The following CSNK2A2IP variants were observed in gnomAD, a reference collection of about 807,000 sequenced individuals.
The protein encoded by CSNK2A2IP is casein kinase 2 subunit alpha' interacting protein.
chr3:88,355,532 A>G, the CSNK2A2IP span, among the ~76,000 whole-genome samples: 1 of 152,152 alleles, frequency 6.6e-6, no homozygotes, highest in Non-Finnish European at 1.5e-5. Context: ...TAGAACCTGT[A>G]CAGACTTCTG....
chr3:88,362,946 G>A, the CSNK2A2IP span, among the ~76,000 whole-genome samples: 1 of 152,170 alleles, frequency 6.6e-6, no homozygotes, highest in Non-Finnish European at 1.5e-5. Context: ...GGCCACTGCA[G>A]CTAACGTTTT....
chr3:88,429,915 G>A, the CSNK2A2IP span, among the ~76,000 whole-genome samples: 1 of 101,508 alleles, frequency 9.9e-6, no homozygotes, highest in Non-Finnish European at 2.3e-5. Flanking sequence ...ACCACGCCAG[G>A]CTAATTTTTT....
the CSNK2A2IP span, among the ~76,000 whole-genome samples, chr3:88,429,853 C>G: frequency 6.6e-6 from 1 of 151,940 alleles, no homozygotes; most frequent in Non-Finnish European, 1.5e-5. Context: ...CCCGGGTTCA[C>G]GCCATTCTCC....
chr3:88,352,212 C>G, the CSNK2A2IP span, among the ~76,000 whole-genome samples: 1 of 152,064 alleles, frequency 6.6e-6, no homozygotes, highest in African/African-American at 2.4e-5. Context: ...AACTCTCTCT[C>G]TCATCTATCT....
the CSNK2A2IP span, among the ~76,000 whole-genome samples, chr3:88,455,223 G>T: frequency 6.6e-6 from 1 of 151,718 alleles, no homozygotes; most frequent in Admixed American, 6.6e-5. Flanking sequence ...ATTTATTTTG[G>T]TATATACCTA....
At chr3:88,461,499 G>A in the CSNK2A2IP span, among the ~76,000 whole-genome samples, 1 of 152,170 alleles carries the variant, frequency 6.6e-6, no homozygotes, top group Non-Finnish European at 1.5e-5. Context: ...CTTGCAGTGA[G>A]CCGAGATCAA....
the CSNK2A2IP span, among the ~76,000 whole-genome samples, chr3:88,348,073 A>T: frequency 6.6e-6 from 1 of 152,018 alleles, no homozygotes; most frequent in Non-Finnish European, 1.5e-5. Context: ...ATATGGGGAC[A>T]GTACTTTAAT....
At chr3:88,393,273 T>C in the CSNK2A2IP span, among the ~76,000 whole-genome samples, 1 of 152,250 alleles carries the variant, frequency 6.6e-6, no homozygotes, top group Non-Finnish European at 1.5e-5. Flanking sequence ...TGAAGACTGT[T>C]ACATTTTTTG....
the CSNK2A2IP span, among the ~76,000 whole-genome samples, chr3:88,446,389 G>A: frequency 3.3e-5 from 5 of 151,972 alleles, no homozygotes; most frequent in Non-Finnish European, 5.9e-5. Context: ...TGCCTGACCT[G>A]ATCTCAGTTT....
the CSNK2A2IP span, among the ~76,000 whole-genome samples, chr3:88,370,610 CTCTT>C: frequency 0.41 from 60,217 of 147,198 alleles, 14,237 homozygotes; most frequent in South Asian, 0.6. Flanking sequence ...CTCTCTCTCT[CTCTT>C]TCTTTCTTTC....
the CSNK2A2IP span, among the ~76,000 whole-genome samples, chr3:88,395,911 A>G: frequency 2.0e-5 from 3 of 152,136 alleles, no homozygotes; most frequent in East Asian, 5.8e-4. Flanking sequence ...ACAATTAATT[A>G]CTTTAATTGG....
At chr3:88,359,378 G>T in the CSNK2A2IP span, among the ~76,000 whole-genome samples, 1 of 151,492 alleles carries the variant, frequency 6.6e-6, no homozygotes, top group Admixed American at 6.6e-5. Context: ...TTTCTGCTCT[G>T]ATCTTTTATT....
chr3:88,454,625 T>TA, the CSNK2A2IP span, among the ~76,000 whole-genome samples: 1 of 151,962 alleles, frequency 6.6e-6, no homozygotes, highest in Non-Finnish European at 1.5e-5. Context: ...ATTTCTTTTT[T>TA]ATACATGTGT....
chr3:88,440,603 A>G, the CSNK2A2IP span, among the ~76,000 whole-genome samples: 4 of 152,200 alleles, frequency 2.6e-5, no homozygotes, highest in Admixed American at 2.0e-4. Context: ...TGGATAATCA[A>G]CTTTAAGAGT....
At chr3:88,364,114 C>T in the CSNK2A2IP span, among the ~76,000 whole-genome samples, 1 of 152,160 alleles carries the variant, frequency 6.6e-6, no homozygotes, top group Admixed American at 6.6e-5. Flanking sequence ...CTGGGATCCT[C>T]CTGAATTCTC....
chr3:88,419,490 T>C, the CSNK2A2IP span, among the ~76,000 whole-genome samples: 1 of 152,194 alleles, frequency 6.6e-6, no homozygotes, highest in Non-Finnish European at 1.5e-5. Flanking sequence ...CCATATTTTC[T>C]TTATCCAGTT....
At chr3:88,440,036 T>C in the CSNK2A2IP span, among the ~76,000 whole-genome samples, 1 of 152,196 alleles carries the variant, frequency 6.6e-6, no homozygotes, top group African/African-American at 2.4e-5. Context: ...TGCTTCATTA[T>C]TTGGGGACTC....
the CSNK2A2IP span, among the ~76,000 whole-genome samples, chr3:88,450,488 C>A: frequency 1.3e-3 from 191 of 142,552 alleles, 3 homozygotes; most frequent in East Asian, 0.037. Context: ...TCCATCTCTG[C>A]GTAGTTGACC....
the CSNK2A2IP span, among the ~76,000 whole-genome samples, chr3:88,432,741 T>TA: frequency 6.6e-6 from 1 of 150,636 alleles, no homozygotes; most frequent in Admixed American, 6.6e-5. Context: ...AGCAATAATT[T>TA]AAAAATGATA....
Sources: gnomAD v4.1 joint callset for allele counts (sites outside exome capture counted in the v4.1 genomes callset) on GRCh38, gnomAD v4.1.1 for gene constraint, MANE v1.5 for transcripts, NCBI Gene and HGNC (gene_info 2026-07-23, HGNC 2026-07-21) for gene names.